Variants in CLIC4 observed in about 807,000 individuals in gnomAD.
The protein encoded by CLIC4 is chloride intracellular channel protein 4.
CLIC4 carries 13 observed loss-of-function variants against 24.6 expected under a neutral mutation model. That is an observed-to-expected ratio of 0.53 (90% CI 0.34 to 0.84). The LOEUF (loss-of-function observed/expected upper bound fraction) is 0.84, where lower values mean the gene tolerates loss of function less well. Ranked by LOEUF, CLIC4 falls within the 40% of genes least tolerant of loss-of-function variation. The pLI is 0.01. For missense variants in CLIC4, 227 were observed against 301.7 expected (o/e 0.75, Z 1.83); for synonymous variants, 104 against 111.3 (o/e 0.93, Z 0.41).
At chr1:24,788,946 C>T (rs1169537230) in intron 1 of CLIC4, among the ~76,000 whole-genome samples, 1 of 152,230 alleles carries the variant, frequency 6.6e-6, no homozygotes, top group Non-Finnish European at 1.5e-5. Context: ...AAAGCTGTGG[C>T]TCCATCCTCA....
Position 24,755,071 on chromosome 1 carries a change from CAA to C in CLIC4, c.72+9461_72+9462del, listed in dbSNP as rs35295371. On this transcript the variant is annotated intron_variant, in intron 1 of 5. Transcript: ENST00000374379. ...TGGACGACAGAGTAAGACTCCGTCT[CAA>C]AAAAAAAAAAAAAATTATAGGCTGG... Among the ~76,000 whole-genome samples the C allele has an allele frequency of 1.2e-3, 139 of 112,798 alleles. 1 individual carries two copies. The highest frequency in any genetic ancestry group is 4.5e-3 in the African/African-American group (128 of 28,686). The allele number at this position is 112,798 out of a possible 152,430, so 74.0% of individuals were successfully genotyped here.
chr1:24,807,781 G>T (rs1428012629), intron 2 of CLIC4, among the ~76,000 whole-genome samples: 2 of 151,870 alleles, frequency 1.3e-5, no homozygotes, highest in Non-Finnish European at 2.9e-5. Flanking sequence ...AATCTACCGT[G>T]TTCTTAAAAA....
At chr1:24,751,018 T>A (rs183732619) in intron 1 of CLIC4, among the ~76,000 whole-genome samples, 2 of 152,220 alleles carry the variant, frequency 1.3e-5, no homozygotes, top group East Asian at 3.9e-4. Flanking sequence ...CAGAGAATTC[T>A]GTTGTTGAGC....
At chr1:24,796,619 A>G (rs1335933990) in intron 1 of CLIC4, among the ~76,000 whole-genome samples, 2 of 152,216 alleles carry the variant, frequency 1.3e-5, no homozygotes, top group Non-Finnish European at 2.9e-5. Context: ...CCTAGGAGCA[A>G]TAGGCTATAC....
At chr1:24,773,591 CTTTTTTTTTT>C (rs61367134) in intron 1 of CLIC4, among the ~76,000 whole-genome samples, 4 of 74,012 alleles carry the variant, frequency 5.4e-5, no homozygotes, top group South Asian at 5.7e-4. Flanking sequence ...TGAGATGCAC[CTTTTTTTTTT>C]TTTTTTTTTT....
At chr1:24,772,180 C>T (rs1639078071) in intron 1 of CLIC4, among the ~76,000 whole-genome samples, 1 of 151,916 alleles carries the variant, frequency 6.6e-6, no homozygotes. Context: ...AGGTGAGCTC[C>T]TGAAAGAAAG....
chr1:24,820,292 TG>T (rs1370516626), intron 3 of CLIC4, among the ~76,000 whole-genome samples: 6 of 128,574 alleles, frequency 4.7e-5, no homozygotes, highest in African/African-American at 1.8e-4. Flanking sequence ...TTTTTTTTTT[TG>T]AGACATGGTC....
At chr1:24,790,482 A>C (rs1251346611) in intron 1 of CLIC4, among the ~76,000 whole-genome samples, 1 of 152,244 alleles carries the variant, frequency 6.6e-6, no homozygotes, top group Non-Finnish European at 1.5e-5. Flanking sequence ...GAAAAACCGA[A>C]TTAGATGGTA....
intron 1 of CLIC4, among the ~76,000 whole-genome samples, chr1:24,765,682 A>G (rs1407990313): frequency 6.6e-6 from 1 of 152,150 alleles, no homozygotes; most frequent in Non-Finnish European, 1.5e-5. Context: ...TTGCCTCCGT[A>G]TTGCATGTAA....
chr1:24,759,539 G>A (rs529263108), intron 1 of CLIC4, among the ~76,000 whole-genome samples: 46 of 152,084 alleles, frequency 3.0e-4, no homozygotes, highest in African/African-American at 1.1e-3. Flanking sequence ...TGATTTAAGT[G>A]GGAAATTAAA....
In CLIC4 at chr1:24,816,234, GT is replaced by G. The variant is rs71752506; in HGVS notation, c.308+2037del. Among the ~76,000 whole-genome samples the G allele has an allele frequency of 1.4e-3, 84 of 62,154 alleles. 1 individual carries two copies. The highest frequency in any genetic ancestry group is 4.7e-3 in the African/African-American group (80 of 16,932). 40.8% of individuals were successfully genotyped at this position (62,154 alleles called of 152,430 possible). A position where few individuals can be genotyped will look rare whatever the true frequency, so the allele number is the denominator to read the frequency against. On this transcript the variant is annotated intron_variant, in intron 3 of 5. Transcript: ENST00000374379. Reference sequence around the variant, plus strand: ...CCTCCCATGAATCATGAATGTTCGTGTTTTTTTTTTTTTTTTTTTTTTGGAC... The same window carrying G: ...CCTCCCATGAATCATGAATGTTCGTGTTTTTTTTTTTTTTTTTTTTTGGAC...
intron 3 of CLIC4, among the ~76,000 whole-genome samples, chr1:24,820,075 ATATG>A (rs144741111): frequency 0.34 from 21,685 of 64,662 alleles, 4,936 homozygotes; most frequent in East Asian, 0.61. Context: ...ATGTATATAT[ATATG>A]TATATATATA....
intron 1 of CLIC4, among the ~76,000 whole-genome samples, chr1:24,765,386 G>C (rs752735641): frequency 5.3e-5 from 8 of 152,022 alleles, no homozygotes; most frequent in Non-Finnish European, 1.2e-4. Flanking sequence ...AGGTTGGGAG[G>C]AAAAGAAGAA....
intron 1 of CLIC4, among the ~76,000 whole-genome samples, chr1:24,789,270 C>A (rs185184762): frequency 4.1e-4 from 63 of 152,328 alleles, no homozygotes; most frequent in African/African-American, 1.5e-3. Context: ...GTAATCCCAG[C>A]ACTTTGGGAG....
In CLIC4 at chr1:24,842,149, A is replaced by C. The variant is rs1161399252; in HGVS notation, c.*1212A>C. ...AGTTTTGCCTGATCTCACTCATTGCACTTCCTGGAGTTAAATTTTCCAACA... is the reference window on the plus strand; with the variant it reads ...AGTTTTGCCTGATCTCACTCATTGCCCTTCCTGGAGTTAAATTTTCCAACA... On this transcript the variant is annotated 3_prime_UTR_variant, in exon 6 of 6. Coordinates refer to ENST00000374379, the MANE Select transcript of CLIC4 (RefSeq NM_013943.3). 3 of 152,108 alleles carry C rather than the reference A, an allele frequency of 2.0e-5. No homozygotes were observed. The highest frequency in any genetic ancestry group is 4.4e-5 in the Non-Finnish European group (3 of 68,004). The allele number at this position is 152,108 out of a possible 1,614,324, so 9.4% of individuals were successfully genotyped here.
intron 1 of CLIC4, among the ~76,000 whole-genome samples, chr1:24,785,003 C>A (rs1387686771): frequency 3.2e-3 from 395 of 121,932 alleles, no homozygotes; most frequent in South Asian, 4.6e-3. Flanking sequence ...GACTCTGTCT[C>A]AAAAAAAAAA....
At chr1:24,749,497 C>G (rs777040299) in intron 1 of CLIC4, among the ~76,000 whole-genome samples, 3 of 152,206 alleles carry the variant, frequency 2.0e-5, no homozygotes, top group Non-Finnish European at 4.4e-5. Context: ...AATAGTATGA[C>G]TGAACTCACA....
At chr1:24,839,220 G>T (rs956084890) in intron 4 of CLIC4, among the ~76,000 whole-genome samples, 2 of 152,160 alleles carry the variant, frequency 1.3e-5, no homozygotes, top group Admixed American at 6.5e-5. Flanking sequence ...GAATTAATAT[G>T]CTTGCCTTTT....
intron 1 of CLIC4, among the ~76,000 whole-genome samples, chr1:24,794,035 C>G (rs1179193257): frequency 6.6e-6 from 1 of 152,162 alleles, no homozygotes; most frequent in Non-Finnish European, 1.5e-5. Flanking sequence ...CGTTCTCTTC[C>G]AGCATTCCAG....
Sources: allele counts gnomAD v4.1 joint callset (sites outside exome capture counted in the v4.1 genomes callset), GRCh38; gene constraint gnomAD v4.1.1; transcripts MANE v1.5; gene names NCBI Gene and HGNC (gene_info 2026-07-23, HGNC 2026-07-21).